Variants in PRPF18 observed in about 807,000 individuals in gnomAD.
The protein encoded by PRPF18 is pre-mRNA processing factor 18.
Under a neutral mutation model 46.5 loss-of-function variants are expected in PRPF18, and 38 were observed. The ratio of observed to expected loss-of-function variants is 0.82; its 90% CI spans 0.63 to 1.07. The LOEUF (loss-of-function observed/expected upper bound fraction) is 1.07, where lower values mean the gene tolerates loss of function less well. Among genes scored for constraint, PRPF18 ranks in the 50% least tolerant of loss-of-function variants. The pLI, the probability that PRPF18 is intolerant of heterozygous loss-of-function variation, is 0.00. For missense variants in PRPF18, 263 were observed against 410.0 expected, an observed-to-expected ratio of 0.64 and a Z score of 3.10; for synonymous variants, 152 against 146.7, an observed-to-expected ratio of 1.04 and a Z score of -0.26.
chr10:13,609,535 T>C (rs2080241941), intron 4 of PRPF18, among the ~76,000 whole-genome samples: 1 of 152,224 alleles, frequency 6.6e-6, no homozygotes, highest in Non-Finnish European at 1.5e-5. Context: ...TCATGAACCA[T>C]ATGTGCATAA....
At position 13,630,352 on chromosome 10, in the gene PRPF18, G is replaced by C; in HGVS notation, c.*12G>C. 3 of 1,589,822 alleles carry C rather than the reference G, an allele frequency of 1.9e-6. No homozygotes were observed. Among genetic ancestry groups the C allele is most frequent in the Non-Finnish European group, 2.6e-6 (3 of 1,158,730 alleles). Reference sequence around the variant, plus strand: ...ACAATGCACTGTGAGATCTGTGTATGGTGTGTTAATAACAATAAGAAACTT... The same window carrying C: ...ACAATGCACTGTGAGATCTGTGTATCGTGTGTTAATAACAATAAGAAACTT... On this transcript the variant is annotated 3_prime_UTR_variant, in exon 10 of 10. Transcript: ENST00000378572.
rs542588415 is a variant in PRPF18, at chr10:13,626,547, G to A, written c.949-3713G>A. Among the ~76,000 whole-genome samples the A allele has an allele frequency of 9.2e-5, 14 of 152,262 alleles. No homozygotes were observed. The East Asian group carries it at 1.7e-3, about 19-fold the overall frequency. On this transcript the variant is annotated intron_variant, in intron 9 of 9. Coordinates refer to ENST00000378572, the MANE Select transcript of PRPF18 (RefSeq NM_003675.4). ...ATGTGGGAGAAAGTGCTTTTGAGGC[G>A]TGTGCGTGCATATGTGGGGCCAGTG...
the PRPF18 span, chr10:13,645,289 C>A: frequency 2.6e-5 from 4 of 152,038 alleles, no homozygotes; most frequent in African/African-American, 7.3e-5. Context: ...ACTACCCCCA[C>A]CCTGGCTCCT....
At chr10:13,602,767 G>A (rs574040840) in intron 3 of PRPF18, among the ~76,000 whole-genome samples, 8 of 152,076 alleles carry the variant, frequency 5.3e-5, no homozygotes, top group Non-Finnish European at 1.2e-4. Context: ...AAGTCTCACT[G>A]TGTCTCCCAG....
At chr10:13,637,506 T>G in the PRPF18 span, among the ~76,000 whole-genome samples, 20 of 152,364 alleles carry the variant, frequency 1.3e-4, no homozygotes, top group African/African-American at 4.8e-4. Context: ...ATGCTTACTT[T>G]TGTCCATTTT....
At chr10:13,601,032 C>T (rs1217931910) in intron 3 of PRPF18, among the ~76,000 whole-genome samples, 4 of 152,108 alleles carry the variant, frequency 2.6e-5, no homozygotes, top group African/African-American at 7.2e-5. Flanking sequence ...CCACCTGTCT[C>T]GGCCTTCCAA....
chr10:13,591,510 G>A (rs1040464161), intron 1 of PRPF18: 11 of 706,958 alleles, frequency 1.6e-5, no homozygotes, highest in East Asian at 2.5e-5. Flanking sequence ...AACACAGATC[G>A]CAGGTAGTCC....
chr10:13,588,488 G>T (rs571496221), intron 1 of PRPF18, among the ~76,000 whole-genome samples: 1 of 150,946 alleles, frequency 6.6e-6, no homozygotes, highest in Non-Finnish European at 1.5e-5. Context: ...AAGGCGGGAG[G>T]ATCGCTTGAG....
At chr10:13,610,325 A>G (rs1028472851) in intron 5 of PRPF18, 140 bp downstream of exon 5, 4 of 956,792 alleles carry the variant, frequency 4.2e-6, no homozygotes, top group Non-Finnish European at 5.8e-6. Flanking sequence ...GCTTTTATTT[A>G]TTTACTCCCC....
At chr10:13,624,671 G>A (rs1473136831) in intron 9 of PRPF18, among the ~76,000 whole-genome samples, 1 of 152,214 alleles carries the variant, frequency 6.6e-6, no homozygotes, top group African/African-American at 2.4e-5. Context: ...TTTAGTTCCT[G>A]GATTCCACTG....
At chr10:13,591,481 A>G (rs1377381867) in intron 1 of PRPF18, 4 of 646,648 alleles carry the variant, frequency 6.2e-6, no homozygotes, top group Non-Finnish European at 1.1e-5. Flanking sequence ...TGTGAGGATA[A>G]ATTCCATGAG....
At chr10:13,601,260 C>G (rs1455548011) in intron 3 of PRPF18, among the ~76,000 whole-genome samples, 1 of 152,132 alleles carries the variant, frequency 6.6e-6, no homozygotes, top group African/African-American at 2.4e-5. Context: ...ATTTTTAAGA[C>G]TTGATATATA....
At position 13,608,662 on chromosome 10, in the gene PRPF18, G is replaced by A. The variant is rs145458311; in HGVS notation, c.364-1377G>A. Among the ~76,000 whole-genome samples, 1,319 of 152,244 alleles carry A rather than the reference G, an allele frequency of 8.7e-3. 20 individuals are homozygous for A. The highest frequency in any genetic ancestry group is 0.027 in the African/African-American group (1,128 of 41,540). Reference sequence around the variant, plus strand: ...CAGAATTAATTGCTTCCTTCTCCATGTGCCTATGAGTAAACCTTTGTTAGT... The same window carrying A: ...CAGAATTAATTGCTTCCTTCTCCATATGCCTATGAGTAAACCTTTGTTAGT... On this transcript the variant is annotated intron_variant, in intron 4 of 9. Coordinates refer to ENST00000378572, the MANE Select transcript of PRPF18 (RefSeq NM_003675.4).
At chr10:13,646,884 G>T in the PRPF18 span, 1 of 384,996 alleles carries the variant, frequency 2.6e-6, no homozygotes, top group Non-Finnish European at 3.6e-6. Context: ...GAGAGGCAGT[G>T]AGGTGATCTC....
chr10:13,596,314 A>G (rs1292771932), intron 1 of PRPF18, among the ~76,000 whole-genome samples: 1 of 152,220 alleles, frequency 6.6e-6, no homozygotes, highest in Non-Finnish European at 1.5e-5. Context: ...ATGGCTGGGT[A>G]ATTCCTGTAG....
intron 5 of PRPF18, among the ~76,000 whole-genome samples, chr10:13,611,346 A>G (rs979674657): frequency 1.3e-5 from 2 of 152,172 alleles, no homozygotes; most frequent in African/African-American, 4.8e-5. Context: ...ATCACAATCT[A>G]ATTTTAGAAC....
intron 9 of PRPF18, among the ~76,000 whole-genome samples, chr10:13,617,259 G>T (rs1340475589): frequency 6.6e-6 from 1 of 152,180 alleles, no homozygotes; most frequent in Non-Finnish European, 1.5e-5. Flanking sequence ...CTTAAAATTT[G>T]AAGTTCACTT....
intron 5 of PRPF18, among the ~76,000 whole-genome samples, chr10:13,610,443 A>T (rs1341342645): frequency 1.3e-5 from 2 of 152,150 alleles, no homozygotes; most frequent in African/African-American, 4.8e-5. Context: ...TGTGACCTGC[A>T]GTGTTTTGTG....
At chr10:13,654,332 G>A in the PRPF18 span, 4 of 914,268 alleles carry the variant, frequency 4.4e-6, no homozygotes, top group Non-Finnish European at 7.4e-6. Context: ...TCCATTTACT[G>A]ACATATCCTT....
Sources: allele counts gnomAD v4.1 joint callset (sites outside exome capture counted in the v4.1 genomes callset), GRCh38; gene constraint gnomAD v4.1.1; transcripts MANE v1.5; gene names NCBI Gene and HGNC (gene_info 2026-07-23, HGNC 2026-07-21).